Variants in CALCRL observed in about 807,000 individuals in gnomAD.
The protein encoded by CALCRL is calcitonin gene-related peptide type 1 receptor.
A neutral mutation model predicts 60.4 loss-of-function variants in CALCRL; 27 were observed. That is an observed-to-expected ratio of 0.45 (90% confidence interval 0.33 to 0.62). The LOEUF (loss-of-function observed/expected upper bound fraction) is 0.62, where lower values mean the gene tolerates loss of function less well. Among genes scored for constraint, CALCRL ranks in the 20% least tolerant of loss-of-function variants. The pLI is 0.03. For synonymous variants in CALCRL, 190 were observed against 182.6 expected, an observed-to-expected ratio of 1.04 and a Z score of -0.33; for missense variants, 424 against 540.7, an observed-to-expected ratio of 0.78 and a Z score of 2.14.
At chr2:187,367,438 A>T (rs974528951) in intron 8 of CALCRL, among the ~76,000 whole-genome samples, 1 of 152,156 alleles carries the variant, frequency 6.6e-6, no homozygotes, top group Non-Finnish European at 1.5e-5. Flanking sequence ...ATCAATGTCT[A>T]GTGTAAAAAT....
At position 187,371,336 on chromosome 2, in the gene CALCRL, A is replaced by C. The variant is rs1687510580; in HGVS notation, c.500+7604T>G. 3.3e-5 allele frequency among the ~76,000 whole-genome samples: 5 copies of C among 152,224 alleles called. No homozygotes were observed. The South Asian group carries it at 1.0e-3, about 32-fold the overall frequency. On this transcript the variant is annotated intron_variant, in intron 8 of 14. Transcript: ENST00000392370. Reference sequence around the variant, plus strand: ...ATCTCAGGACCATAGTGTATAACAAATTTACAATGAATAAATGGACGTACC... The same window carrying C: ...ATCTCAGGACCATAGTGTATAACAACTTTACAATGAATAAATGGACGTACC...
intron 14 of CALCRL, among the ~76,000 whole-genome samples, chr2:187,350,357 A>G (rs112829961): frequency 5.9e-5 from 9 of 151,582 alleles, no homozygotes; most frequent in Non-Finnish European, 1.3e-4. Flanking sequence ...CATTAAATTT[A>G]TAGAGGTATA....
chr2:187,376,105 T>A (rs1265995049), intron 8 of CALCRL, among the ~76,000 whole-genome samples: 1 of 152,174 alleles, frequency 6.6e-6, no homozygotes, highest in Admixed American at 6.5e-5. Context: ...CATTCATAGA[T>A]TCTTGGGTGT....
At position 187,360,618 on chromosome 2, in the gene CALCRL, C is replaced by A; in HGVS notation, c.761G>T (p.Trp254Leu). The A allele has an allele frequency of 6.2e-7, 1 of 1,609,878 alleles. No homozygotes were observed. The highest frequency in any genetic ancestry group is 8.5e-7 in the Non-Finnish European group (1 of 1,178,074). Residue 254 changes from tryptophan (W) to leucine (L), a missense_variant, in exon 10 of 15, where the codon TGG (tryptophan) becomes TTG (leucine). Trp to Leu is a moderately conservative substitution (Grantham distance 61). Coordinates refer to ENST00000392370, the MANE Select transcript of CALCRL (RefSeq NM_005795.6). Reference sequence around the variant, plus strand: ...CTTACCCCAGCCAAGAAAATAATACCACATTAAATGTTGCTTCTCTGCAAA... The same window carrying A: ...CTTACCCCAGCCAAGAAAATAATACAACATTAAATGTTGCTTCTCTGCAAA... Reference protein sequence around the residue: ...AVFAEKQHLMWYYFLGWGFPL... With the variant: ...AVFAEKQHLMLYYFLGWGFPL...
intron 1 of CALCRL, among the ~76,000 whole-genome samples, chr2:187,422,448 C>G (rs1367295709): frequency 2.0e-5 from 3 of 152,102 alleles, no homozygotes; most frequent in Non-Finnish European, 2.9e-5. Context: ...AATAACTTGA[C>G]TAATTCAATG....
chr2:187,381,926 A>C (rs1348972929), intron 5 of CALCRL, among the ~76,000 whole-genome samples: 2 of 152,150 alleles, frequency 1.3e-5, no homozygotes, highest in Non-Finnish European at 2.9e-5. Flanking sequence ...AAAACCAACA[A>C]AATTTTAATG....
At chr2:187,422,542 T>C (rs1447637127) in intron 1 of CALCRL, among the ~76,000 whole-genome samples, 1 of 152,124 alleles carries the variant, frequency 6.6e-6, no homozygotes, top group Non-Finnish European at 1.5e-5. Context: ...CTTTGGGGCA[T>C]TGTGCAAGAG....
intron 1 of CALCRL, among the ~76,000 whole-genome samples, chr2:187,390,707 A>G (rs1483140158): frequency 6.6e-6 from 1 of 152,130 alleles, no homozygotes; most frequent in Non-Finnish European, 1.5e-5. Flanking sequence ...TCTTTACCCT[A>G]TTCCCTAATG....
Position 187,387,494 on chromosome 2 carries a change from C to T in CALCRL, c.-201-1G>A. 3.2e-6 allele frequency: 1 copy of T among 311,934 alleles called. No individual in the cohort carries two copies. The highest frequency in any genetic ancestry group is 5.8e-6 in the Non-Finnish European group (1 of 173,596). 19.3% of individuals were successfully genotyped at this position (311,934 alleles called of 1,614,324 possible). On this transcript the variant is annotated splice_acceptor_variant, in intron 2 of 14. Transcript: ENST00000392370. LOFTEE classifies it low-confidence loss of function (5UTR_SPLICE). ...GTATGGGTTTTTATTATTAGACGAT[C>T]TTGAGAAAAATATAACCAAAATACC...
At chr2:187,404,393 CAA>C (rs1478050976) in intron 1 of CALCRL, among the ~76,000 whole-genome samples, 3 of 151,554 alleles carry the variant, frequency 2.0e-5, no homozygotes, top group East Asian at 1.9e-4. Context: ...GTTTTCCTAA[CAA>C]AGAGAAAAAT....
At position 187,359,219 on chromosome 2, in the gene CALCRL, T is replaced by C. The variant is rs780523598; in HGVS notation, c.835A>G (p.Asn279Asp). ...IHAIARSLYY[N>D]DNCWISSDTH... The stretch of plus-strand genomic sequence containing the variant: ...AAAAAGAGATTTTCTTACTTGTCAT[T>C]GTAATATAAGCTTCTAGCAATGGCA... The change falls in exon 11 of 15, where the codon AAT (asparagine) becomes GAT (aspartate). Residue 279 changes from asparagine (N) to aspartate (D), a missense_variant. Asn to Asp is a conservative substitution (Grantham distance 23). Around this residue, in one of 7 missense-constraint regions of CALCRL, gnomAD observed 222 missense variants for 265.6 expected, o/e 0.84. Coordinates refer to ENST00000392370, the MANE Select transcript of CALCRL (RefSeq NM_005795.6). 6.3e-7 allele frequency: 1 copy of C among 1,593,174 alleles called. No homozygotes were observed. The highest frequency in any genetic ancestry group is 8.6e-7 in the Non-Finnish European group (1 of 1,168,144).
At chr2:187,352,377 A>G (rs765137614) in intron 12 of CALCRL, 45 bp from the exon 13 acceptor site, 21 of 1,085,952 alleles carry the variant, frequency 1.9e-5, no homozygotes, top group Admixed American at 7.6e-5. Context: ...TTCATATTTA[A>G]TATTAAGAAG....
chr2:187,374,033 G>C (rs1200564788), intron 8 of CALCRL, among the ~76,000 whole-genome samples: 1 of 152,014 alleles, frequency 6.6e-6, no homozygotes, highest in African/African-American at 2.4e-5. Context: ...TGGGTGTGGT[G>C]GTGTGTGCCT....
At position 187,343,301 on chromosome 2, in the gene CALCRL, A is replaced by G. The variant is rs1322719458; in HGVS notation, c.*2883T>C. Reference sequence around the variant, plus strand: ...TAAATATCAGTGAAAATAAACTTTAACTCATAACTTTAATATTTTCATACA... The same window carrying G: ...TAAATATCAGTGAAAATAAACTTTAGCTCATAACTTTAATATTTTCATACA... On this transcript the variant is annotated 3_prime_UTR_variant, in exon 15 of 15. Coordinates refer to ENST00000392370, the MANE Select transcript of CALCRL (RefSeq NM_005795.6). 1.3e-5 allele frequency: 2 copies of G among 151,816 alleles called. No individual in the cohort carries two copies. Among genetic ancestry groups the G allele is most frequent in the Admixed American group, 1.3e-4 (2 of 15,176 alleles). The allele number at this position is 151,816 out of a possible 1,614,324, so 9.4% of individuals were successfully genotyped here.
At chr2:187,373,860 T>G (rs1277712648) in intron 8 of CALCRL, among the ~76,000 whole-genome samples, 2 of 152,162 alleles carry the variant, frequency 1.3e-5, no homozygotes, top group African/African-American at 2.4e-5. Flanking sequence ...CAATACTGCC[T>G]GTCTGAAGAA....
At chr2:187,388,043 A>G (rs1688279523) in intron 1 of CALCRL, among the ~76,000 whole-genome samples, 1 of 152,030 alleles carries the variant, frequency 6.6e-6, no homozygotes, top group African/African-American at 2.4e-5. Flanking sequence ...AAGAGTAATT[A>G]TGTCATTTTC....
chr2:187,422,726 T>A (rs892412387), intron 1 of CALCRL, among the ~76,000 whole-genome samples: 2 of 151,960 alleles, frequency 1.3e-5, no homozygotes, highest in African/African-American at 4.8e-5. Flanking sequence ...GTGTTGCTGA[T>A]AACTTCTAAG....
intron 8 of CALCRL, among the ~76,000 whole-genome samples, chr2:187,366,219 C>G (rs547034592): frequency 5.6e-4 from 74 of 131,764 alleles, no homozygotes; most frequent in South Asian, 2.5e-3. Context: ...GTCCGCAGTC[C>G]GGCCTGGGCG....
intron 1 of CALCRL, among the ~76,000 whole-genome samples, chr2:187,405,347 AT>A (rs1689070189): frequency 6.6e-6 from 1 of 152,028 alleles, no homozygotes; most frequent in Admixed American, 6.6e-5. Context: ...GGATTTTAAC[AT>A]ATTTTAGCGT....
Sources: gnomAD v4.1 joint callset for allele counts (sites outside exome capture counted in the v4.1 genomes callset) on GRCh38, gnomAD v4.1.1 for gene constraint, gnomAD v4.1.1 regional missense constraint, MANE v1.5 for transcripts, NCBI Gene and HGNC (gene_info 2026-07-23, HGNC 2026-07-21) for gene names.